WDR88: variants seen among roughly 807,000 people sequenced by gnomAD.
WDR88 encodes the protein WD repeat domain 88.
Under a neutral mutation model 46.8 loss-of-function variants are expected in WDR88, and 40 were observed. The ratio of observed to expected loss-of-function variants is 0.86; its 90% confidence interval spans 0.66 to 1.11. The LOEUF is 1.11. Among genes scored for constraint, WDR88 ranks in the 50% most tolerant of loss-of-function variants. The probability of loss-of-function intolerance (pLI) is 0.00; values close to 1 mark genes in which losing one functional copy is unlikely to be tolerated. For synonymous variants in WDR88, 235 were observed against 240.7 expected, an observed-to-expected ratio of 0.98 and a Z score of 0.22; for missense variants, 562 against 602.4, an observed-to-expected ratio of 0.93 and a Z score of 0.70.
At position 33,174,257 on chromosome 19, in the gene WDR88, T is replaced by G. The variant is rs747191620; in HGVS notation, c.1243-1139T>G. 2.7e-5 allele frequency: 41 copies of G among 1,535,658 alleles called. No individual in the cohort carries two copies. In the South Asian group the frequency reaches 4.8e-4, roughly 18 times the overall value. Reference sequence around the variant, plus strand: ...TTGACTTGCTCTGAATCAATCAACATGAGAAGCCTGAGGCCAGGCTTCCCC... The same window carrying G: ...TTGACTTGCTCTGAATCAATCAACAGGAGAAGCCTGAGGCCAGGCTTCCCC... On this transcript the variant is annotated intron_variant, in intron 10 of 10. Coordinates refer to ENST00000355868, the MANE Select transcript of WDR88 (RefSeq NM_173479.4).
intron 9 of WDR88, among the ~76,000 whole-genome samples, chr19:33,171,771 TTTTGTTTG>T (rs58358368): frequency 1.3e-5 from 2 of 151,548 alleles, no homozygotes; most frequent in South Asian, 2.1e-4. Flanking sequence ...TGTCATATAG[TTTTGTTTG>T]TTTGTTTGTT....
intron 2 of WDR88, among the ~76,000 whole-genome samples, chr19:33,143,644 C>CAAAAAAA (rs11330443): frequency 8.5e-6 from 1 of 117,144 alleles, no homozygotes. Context: ...GACCCTCTCT[C>CAAAAAAA]AAAAAAAAAA....
rs192705771 is a variant in WDR88 at position 33,133,523 on chromosome 19, C to G, written c.276+1078C>G. Among the ~76,000 whole-genome samples, 731 of 152,242 alleles carry G rather than the reference C, an allele frequency of 4.8e-3. 4 individuals carry two copies. The highest frequency in any genetic ancestry group is 8.2e-3 in the Non-Finnish European group (556 of 68,008). ...AGATCATCTCACTCCATCTCAAAAACAAAACAAAACAAAAACCCAATAAAG... is the reference window on the plus strand; with the variant it reads ...AGATCATCTCACTCCATCTCAAAAAGAAAACAAAACAAAAACCCAATAAAG... On this transcript the variant is annotated intron_variant, in intron 1 of 10. Transcript: ENST00000355868.
intron 1 of WDR88, among the ~76,000 whole-genome samples, chr19:33,137,101 T>C (rs1257618415): frequency 9.1e-6 from 1 of 109,682 alleles, no homozygotes; most frequent in Admixed American, 1.0e-4. Context: ...TGGCTCATTT[T>C]CTTTCTTCTT....
rs146733199 is a variant in WDR88 at position 33,175,572 on chromosome 19, A to G, written c.1419A>G (p.Ter473TrpextTer?). ...SPPPRGSKDD* is the reference protein window; with the variant it reads ...SPPPRGSKDDW Reference sequence around the variant, plus strand: ...CGCCAAGGGGAAGCAAGGATGACTGACAGCCACAGGCCCCTTTGAGTGACT... The same window carrying G: ...CGCCAAGGGGAAGCAAGGATGACTGGCAGCCACAGGCCCCTTTGAGTGACT... The change falls in exon 11 of 11, where the codon TGA (stop) becomes TGG (tryptophan). Residue 473 changes from the stop codon to tryptophan, a stop_lost. Transcript: ENST00000355868. The G allele has an allele frequency of 6.2e-7, 1 of 1,614,016 alleles. No homozygotes were observed. Among genetic ancestry groups the G allele is most frequent in the African/African-American group, 1.3e-5 (1 of 74,944 alleles).
intron 9 of WDR88, among the ~76,000 whole-genome samples, chr19:33,171,360 T>G (rs925066806): frequency 3.9e-5 from 6 of 152,190 alleles, no homozygotes; most frequent in Non-Finnish European, 8.8e-5. Context: ...ACAAACCACT[T>G]GCTATACTGT....
intron 10 of WDR88, among the ~76,000 whole-genome samples, chr19:33,173,780 G>A (rs949870459): frequency 6.6e-6 from 1 of 152,248 alleles, no homozygotes; most frequent in African/African-American, 2.4e-5. Flanking sequence ...TGTGAGCCCT[G>A]TTGTTCTGGG....
intron 9 of WDR88, among the ~76,000 whole-genome samples, chr19:33,164,738 C>A (rs1368431816): frequency 1.3e-5 from 2 of 152,104 alleles, no homozygotes; most frequent in Non-Finnish European, 1.5e-5. Context: ...GCCCTCCACC[C>A]ATATTAGAGC....
chr19:33,171,966 T>A (rs1974046083), intron 9 of WDR88, among the ~76,000 whole-genome samples: 1 of 151,862 alleles, frequency 6.6e-6, no homozygotes, highest in Admixed American at 6.6e-5. Context: ...AGAGACGGGG[T>A]TTCACCATAT....
chr19:33,132,862 TAAC>T (rs1568355640), intron 1 of WDR88, among the ~76,000 whole-genome samples: 1 of 152,032 alleles, frequency 6.6e-6, no homozygotes, highest in Non-Finnish European at 1.5e-5. Flanking sequence ...AGAATAATAA[TAAC>T]AACAATGAAT....
chr19:33,157,914 G>A (rs1049111462), intron 7 of WDR88, among the ~76,000 whole-genome samples: 5 of 151,538 alleles, frequency 3.3e-5, no homozygotes, highest in African/African-American at 4.8e-5. Context: ...AGGGGGCAAC[G>A]AAAGCCTCTG....
At chr19:33,172,534 A>G in intron 10 of WDR88, 94 bp downstream of exon 10, 1 of 1,045,354 alleles carries the variant, frequency 9.6e-7, no homozygotes, top group East Asian at 2.5e-5. Flanking sequence ...GCACCTGGAG[A>G]TGCAATCGTG....
chr19:33,151,329 G>A lies in WDR88; in HGVS notation c.809+19G>A, dbSNP rs766088725. 10 of 1,607,980 alleles carry A rather than the reference G, an allele frequency of 6.2e-6. No individual in the cohort carries two copies. The highest frequency in any genetic ancestry group is 8.5e-6 in the Non-Finnish European group (10 of 1,177,002). ...TCACTAAGTGAGTTGGACCCCAGGA[G>A]GCCAGAAGGGAGTTTGGGTGGGGCG... is the stretch of plus-strand genomic sequence containing the variant. On this transcript the variant is annotated intron_variant, in intron 6 of 10. Coordinates refer to ENST00000355868, the MANE Select transcript of WDR88 (RefSeq NM_173479.4).
chr19:33,150,821 G>T (rs981596419), intron 5 of WDR88, among the ~76,000 whole-genome samples: 8 of 152,174 alleles, frequency 5.3e-5, no homozygotes, highest in African/African-American at 1.9e-4. Flanking sequence ...TTCCATTTCT[G>T]CTTCCCTTGC....
intron 9 of WDR88, among the ~76,000 whole-genome samples, chr19:33,166,159 G>A (rs1039654007): frequency 6.6e-6 from 1 of 151,586 alleles, no homozygotes; most frequent in East Asian, 1.9e-4. Flanking sequence ...GCCACTCCAG[G>A]TCCAGCTACT....
At chr19:33,144,687 C>T (rs1973474197) in intron 2 of WDR88, among the ~76,000 whole-genome samples, 157 bp from the exon 3 acceptor site, 1 of 152,170 alleles carries the variant, frequency 6.6e-6, no homozygotes, top group Non-Finnish European at 1.5e-5. Flanking sequence ...GTTGCAAAGT[C>T]CTTTCCTCTT....
At chr19:33,133,999 T>C (rs763260598) in intron 1 of WDR88, among the ~76,000 whole-genome samples, 1 of 152,250 alleles carries the variant, frequency 6.6e-6, no homozygotes, top group Non-Finnish European at 1.5e-5. Context: ...CAGCATCAGG[T>C]CCAGGCCCCA....
intron 1 of WDR88, among the ~76,000 whole-genome samples, chr19:33,134,249 G>A (rs1420448028): frequency 6.6e-6 from 1 of 152,164 alleles, no homozygotes; most frequent in Non-Finnish European, 1.5e-5. Flanking sequence ...GGTGGGGGTA[G>A]CGGAATGGTT....
chr19:33,144,144 T>C (rs572495785), intron 2 of WDR88, among the ~76,000 whole-genome samples: 1 of 152,164 alleles, frequency 6.6e-6, no homozygotes, highest in Non-Finnish European at 1.5e-5. Flanking sequence ...TGCCCTCAGT[T>C]GGCCCCGGCC....
Sources: gnomAD v4.1 joint callset for allele counts (sites outside exome capture counted in the v4.1 genomes callset) on GRCh38, gnomAD v4.1.1 for gene constraint, MANE v1.5 for transcripts, NCBI Gene and HGNC (gene_info 2026-07-23, HGNC 2026-07-21) for gene names.